SP140: variants seen among roughly 807,000 people sequenced by gnomAD.
SP140 encodes nuclear body protein SP140.
In SP140, 81 loss-of-function variants were observed where a neutral mutation model predicts 125.0. The ratio of observed to expected loss-of-function variants is 0.65; its 90% CI spans 0.54 to 0.78. The LOEUF is 0.78. SP140 is among the 30% of genes least tolerant of loss of function. The pLI is 0.00. For missense variants in SP140, 858 were observed against 1,037.0 expected (o/e 0.83, Z 2.37); for synonymous variants, 312 against 354.0 (o/e 0.88, Z 1.33).
At chr2:230,217,561 A>G (rs996299601) in intron 3 of SP140, among the ~76,000 whole-genome samples, 1 of 152,228 alleles carries the variant, frequency 6.6e-6, no homozygotes, top group African/African-American at 2.4e-5. Context: ...AGGGTTTCAT[A>G]TGCAGTAACT....
At chr2:230,232,250 C>T (rs1332976644) in intron 1 of SP140, among the ~76,000 whole-genome samples, 1 of 152,164 alleles carries the variant, frequency 6.6e-6, no homozygotes, top group Non-Finnish European at 1.5e-5. Flanking sequence ...GATGATGACC[C>T]CCAGGAGTTT....
chr2:230,217,170 G>A (rs41309078), intron 3 of SP140, among the ~76,000 whole-genome samples: 14,194 of 149,940 alleles, frequency 0.095, 873 homozygotes, highest in South Asian at 0.22. Context: ...TGCTTGAACC[G>A]GGGAGGTGGA....
chr2:230,294,933 C>A (rs138440753), intron 21 of SP140, among the ~76,000 whole-genome samples: 62 of 152,304 alleles, frequency 4.1e-4, no homozygotes, highest in African/African-American at 1.5e-3. Flanking sequence ...CACAATGGTG[C>A]CACTGAGGAG....
In SP140 at chr2:230,272,362, C is replaced by G. The variant is rs1466099649; in HGVS notation, c.1498+1723C>G. ...GATATGGTTTGGCTGTGTCCCCACTCAAATCTCATCTTGAATTGTATCTCC... is the reference window on the plus strand; with the variant it reads ...GATATGGTTTGGCTGTGTCCCCACTGAAATCTCATCTTGAATTGTATCTCC... On this transcript the variant is annotated intron_variant, in intron 15 of 26. Coordinates refer to ENST00000392045, the MANE Select transcript of SP140 (RefSeq NM_007237.5). Among the ~76,000 whole-genome samples, 2 of 152,146 alleles carry G rather than the reference C, an allele frequency of 1.3e-5. 1 individual carries two copies. The highest frequency in any genetic ancestry group is 2.9e-5 in the Non-Finnish European group (2 of 68,022).
intron 7 of SP140, among the ~76,000 whole-genome samples, chr2:230,247,151 C>T (rs2049577011): frequency 6.6e-6 from 1 of 152,164 alleles, no homozygotes; most frequent in African/African-American, 2.4e-5. Flanking sequence ...GATTTCAAAA[C>T]ACATATGTCC....
Position 230,276,078 on chromosome 2 carries a change from T to C in SP140, c.1498+5439T>C, listed in dbSNP as rs536130031. On this transcript the variant is annotated intron_variant, in intron 15 of 26. Transcript: ENST00000392045. ...TGCAAGGCGAAGCTGCAAATGCTGA[T>C]GTAAAAGCTGCAGAAGGTTGTCCAG... 1.4e-3 allele frequency among the ~76,000 whole-genome samples: 210 copies of C among 152,288 alleles called. 3 individuals are homozygous for C. The highest frequency in any genetic ancestry group is 4.8e-3 in the African/African-American group (200 of 41,556).
upstream of SP140, chr2:230,221,635 G>A (rs138933115): frequency 5.7e-5 from 79 of 1,388,190 alleles, no homozygotes; most frequent in African/African-American, 3.8e-4. Flanking sequence ...AACATACAGC[G>A]CTGTGATGCA....
upstream of SP140, chr2:230,225,609 T>C: frequency 1.7e-6 from 1 of 585,066 alleles, no homozygotes; most frequent in South Asian, 1.9e-5. Flanking sequence ...AGTGACCCTG[T>C]CTTCCGTGGC....
chr2:230,213,121 G>C (rs2044675864), intron 1 of SP140: 1 of 1,230,500 alleles, frequency 8.1e-7, no homozygotes, highest in East Asian at 2.3e-5. Flanking sequence ...AATAGGATGG[G>C]GGCATGGAGC....
intron 22 of SP140, among the ~76,000 whole-genome samples, chr2:230,303,844 A>C (rs2058522544): frequency 6.6e-6 from 1 of 152,214 alleles, no homozygotes; most frequent in South Asian, 2.1e-4. Context: ...TGAGACCTGG[A>C]ACAAGACAAG....
upstream of SP140, among the ~76,000 whole-genome samples, chr2:230,202,194 G>T (rs928948461): frequency 2.0e-5 from 3 of 152,034 alleles, no homozygotes; most frequent in Non-Finnish European, 4.4e-5. Context: ...GTTTATTATT[G>T]TTACTTTTAC....
Position 230,290,287 on chromosome 2 carries a change from CAT to C in SP140, c.1721-172_1721-171del, listed in dbSNP as rs574514011. Among the ~76,000 whole-genome samples the C allele has an allele frequency of 2.7e-4, 41 of 152,252 alleles. 1 individual carries two copies. The South Asian group carries it at 8.3e-3, about 31-fold the overall frequency. On this transcript the variant is annotated intron_variant, in intron 18 of 26. Coordinates refer to ENST00000392045, the MANE Select transcript of SP140 (RefSeq NM_007237.5). ...ATTTGAAAGGTGAAATTGGGGTAGA[CAT>C]TCTGTAATTATGTATCAAAAATGCC... is the stretch of plus-strand genomic sequence containing the variant.
At chr2:230,280,289 C>T (rs1046018092) in intron 15 of SP140, among the ~76,000 whole-genome samples, 7 of 152,032 alleles carry the variant, frequency 4.6e-5, no homozygotes, top group African/African-American at 1.2e-4. Context: ...ATGCTTTTGC[C>T]GTAAAATCTC....
chr2:230,295,503 C>T (rs764591662), intron 21 of SP140, among the ~76,000 whole-genome samples: 9 of 152,162 alleles, frequency 5.9e-5, no homozygotes, highest in Non-Finnish European at 8.8e-5. Flanking sequence ...TCCGACTAAC[C>T]GACTCTCCCT....
chr2:230,274,390 C>T (rs547705403), intron 15 of SP140, among the ~76,000 whole-genome samples: 15 of 152,146 alleles, frequency 9.9e-5, no homozygotes, highest in Admixed American at 6.5e-4. Context: ...ATCCTTCTGT[C>T]GAGAGAGGGA....
At chr2:230,311,070 G>T (rs1246123056) in intron 24 of SP140, 84 bp from the exon 25 acceptor site, 1 of 1,603,126 alleles carries the variant, frequency 6.2e-7, no homozygotes, top group East Asian at 2.2e-5. Flanking sequence ...TGAGGAAGAA[G>T]GGTGTGAGTT....
chr2:230,259,759 G>A (rs1174358261), intron 12 of SP140, among the ~76,000 whole-genome samples: 30 of 78,344 alleles, frequency 3.8e-4, no homozygotes, highest in African/African-American at 1.1e-3. Flanking sequence ...TTATGGCTGC[G>A]TAGTATTCCA....
chr2:230,224,178 C>A (rs185650711), upstream of SP140, among the ~76,000 whole-genome samples: 9 of 152,316 alleles, frequency 5.9e-5, no homozygotes, highest in Admixed American at 5.2e-4. Flanking sequence ...CCAATCTTAC[C>A]ACCAGTCAGC....
chr2:230,300,108 G>A (rs1229289782), intron 22 of SP140, among the ~76,000 whole-genome samples: 1 of 152,142 alleles, frequency 6.6e-6, no homozygotes, highest in Admixed American at 6.5e-5. Flanking sequence ...TACTTATCCA[G>A]TGAACTTAGG....
Sources: allele counts gnomAD v4.1 joint callset (sites outside exome capture counted in the v4.1 genomes callset), GRCh38; gene constraint gnomAD v4.1.1; transcripts MANE v1.5; gene names NCBI Gene and HGNC (gene_info 2026-07-23, HGNC 2026-07-21).